OLA1: variants seen among roughly 807,000 people sequenced by gnomAD.
OLA1 encodes obg-like ATPase 1.
Under a neutral mutation model 48.4 loss-of-function variants are expected in OLA1, and 14 were observed. The ratio of observed to expected loss-of-function variants is 0.29; its 90% confidence interval spans 0.19 to 0.45. The LOEUF (loss-of-function observed/expected upper bound fraction) is 0.45. OLA1 is among the 20% of genes least tolerant of loss of function. The probability of loss-of-function intolerance (pLI) is 1.00; values close to 1 mark genes in which losing one functional copy is unlikely to be tolerated. For synonymous variants in OLA1, 127 were observed against 150.4 expected, an observed-to-expected ratio of 0.84 and a Z score of 1.14; for missense variants, 325 against 467.1, an observed-to-expected ratio of 0.70 and a Z score of 2.80.
At chr2:174,188,281 T>A (rs1687698415) in intron 4 of OLA1, among the ~76,000 whole-genome samples, 1 of 152,012 alleles carries the variant, frequency 6.6e-6, no homozygotes, top group East Asian at 1.9e-4. Context: ...GAGCAAACAT[T>A]TTAAAAAGCC....
At chr2:174,144,951 A>AAAAATAT (rs1181030817) in intron 4 of OLA1, among the ~76,000 whole-genome samples, 3 of 40,278 alleles carry the variant, frequency 7.4e-5, no homozygotes, top group African/African-American at 3.1e-4. Context: ...AAAAAAAAAA[A>AAAAATAT]ATATATATAT....
At chr2:174,201,979 G>A (rs1203690521) in intron 4 of OLA1, among the ~76,000 whole-genome samples, 1 of 152,038 alleles carries the variant, frequency 6.6e-6, no homozygotes, top group Non-Finnish European at 1.5e-5. Flanking sequence ...TGAACTGAGA[G>A]GGTTCACTTG....
intron 3 of OLA1, among the ~76,000 whole-genome samples, chr2:174,226,775 AG>A (rs1688626076): frequency 6.6e-6 from 1 of 152,192 alleles, no homozygotes; most frequent in Admixed American, 6.5e-5. Flanking sequence ...CTGGGATCAC[AG>A]GCTTGAGCCA....
chr2:174,076,123 A>C (rs1296423140), intron 10 of OLA1, among the ~76,000 whole-genome samples: 1 of 152,184 alleles, frequency 6.6e-6, no homozygotes, highest in East Asian at 1.9e-4. Flanking sequence ...CCCTAGTTAC[A>C]AGGAGACTCT....
chr2:174,175,136 G>A (rs945092249), intron 4 of OLA1, among the ~76,000 whole-genome samples: 2 of 151,928 alleles, frequency 1.3e-5, no homozygotes, highest in Non-Finnish European at 2.9e-5. Flanking sequence ...GAATGTAAGA[G>A]CTAAAGTTAT....
intron 5 of OLA1, among the ~76,000 whole-genome samples, chr2:174,126,280 A>T (rs1177047806): frequency 4.6e-5 from 7 of 152,122 alleles, no homozygotes; most frequent in Non-Finnish European, 1.0e-4. Context: ...ATACATATAT[A>T]AATAACGATG....
At chr2:174,086,204 T>C (rs539641906) in intron 7 of OLA1, among the ~76,000 whole-genome samples, 1 of 152,312 alleles carries the variant, frequency 6.6e-6, no homozygotes, top group South Asian at 2.1e-4. Context: ...TCTCAGTTTC[T>C]AATTTCCTGA....
intron 4 of OLA1, among the ~76,000 whole-genome samples, chr2:174,144,938 A>AT: frequency 6.9e-5 from 4 of 58,006 alleles, no homozygotes; most frequent in East Asian, 6.1e-4. Context: ...TTTAAAAAAA[A>AT]AAAAAAAAAA....
intron 1 of OLA1, chr2:174,247,535 A>G: frequency 7.4e-7 from 1 of 1,348,994 alleles, no homozygotes; most frequent in Non-Finnish European, 1.0e-6. Flanking sequence ...TACACAGAAG[A>G]CAGTCAAAGA....
chr2:174,169,583 T>C (rs1400424264), intron 4 of OLA1, among the ~76,000 whole-genome samples: 1 of 152,192 alleles, frequency 6.6e-6, no homozygotes, highest in Non-Finnish European at 1.5e-5. Flanking sequence ...TCTTAAAGAA[T>C]GAATCTTGTA....
At chr2:174,131,937 A>C (rs1686191868) in intron 5 of OLA1, among the ~76,000 whole-genome samples, 1 of 151,964 alleles carries the variant, frequency 6.6e-6, no homozygotes, top group Non-Finnish European at 1.5e-5. Context: ...CTCTTTTTCT[A>C]CTGTATGGAA....
intron 5 of OLA1, among the ~76,000 whole-genome samples, chr2:174,130,485 C>T (rs1274223970): frequency 1.3e-5 from 2 of 152,158 alleles, no homozygotes; most frequent in African/African-American, 4.8e-5. Flanking sequence ...AGACCACCCC[C>T]AGAATATAAT....
chr2:174,222,128 A>G (rs570679159), intron 4 of OLA1, among the ~76,000 whole-genome samples: 10 of 152,090 alleles, frequency 6.6e-5, no homozygotes, highest in African/African-American at 2.4e-4. Flanking sequence ...TTTTGCACCA[A>G]CCTGATTCTA....
intron 4 of OLA1, among the ~76,000 whole-genome samples, chr2:174,163,751 TATATATATATATATATATATATATAA>T (rs1348178433): frequency 0.013 from 562 of 42,882 alleles, 46 homozygotes; most frequent in South Asian, 0.043. Context: ...TATATATATA[TATATATATATATATATATATATATAA>T]ATAAATGTTT....
intron 7 of OLA1, among the ~76,000 whole-genome samples, chr2:174,118,579 G>GT (rs1177389542): frequency 6.6e-6 from 1 of 152,090 alleles, no homozygotes; most frequent in Non-Finnish European, 1.5e-5. Context: ...TTTTTAAAAA[G>GT]TACTTATAAA....
chr2:174,086,492 T>C (rs1324284018), intron 7 of OLA1, among the ~76,000 whole-genome samples: 1 of 152,220 alleles, frequency 6.6e-6, no homozygotes, highest in Non-Finnish European at 1.5e-5. Flanking sequence ...TGTTTTTTCC[T>C]GAAGCTGAAA....
intron 10 of OLA1, among the ~76,000 whole-genome samples, chr2:174,076,385 C>T (rs1297019928): frequency 1.3e-5 from 2 of 152,276 alleles, no homozygotes; most frequent in Non-Finnish European, 1.5e-5. Context: ...ACCCCACCAT[C>T]GACTCCTCAA....
chr2:174,089,730 C>T (rs1012938910), intron 7 of OLA1, among the ~76,000 whole-genome samples: 3 of 151,674 alleles, frequency 2.0e-5, no homozygotes, highest in African/African-American at 7.3e-5. Context: ...GGTGAAACGA[C>T]GTTTCTACAA....
intron 7 of OLA1, among the ~76,000 whole-genome samples, chr2:174,101,697 C>T (rs750860437): frequency 6.6e-6 from 1 of 152,050 alleles, no homozygotes; most frequent in Non-Finnish European, 1.5e-5. Context: ...GCAACAGAGT[C>T]AAGGACAGTA....
Sources: allele counts gnomAD v4.1 joint callset (sites outside exome capture counted in the v4.1 genomes callset), GRCh38; gene constraint gnomAD v4.1.1; transcripts MANE v1.5; gene names NCBI Gene and HGNC (gene_info 2026-07-23, HGNC 2026-07-21).